The following PABPC1 variants were observed in gnomAD, a reference collection of about 807,000 sequenced individuals.
PABPC1 encodes polyadenylate-binding protein 1.
Under a neutral mutation model 74.0 loss-of-function variants are expected in PABPC1, and 4 were observed. The observed-to-expected ratio is 0.05, with a 90% CI of 0.03 to 0.12. PABPC1 has a LOEUF of 0.12. Ranked by LOEUF, PABPC1 falls within the 10% of genes least tolerant of loss-of-function variation. The pLI, the probability that PABPC1 is intolerant of heterozygous loss-of-function variation, is 1.00. For missense variants in PABPC1, 271 were observed against 821.1 expected, an observed-to-expected ratio of 0.33 and a Z score of 8.19; for synonymous variants, 227 against 264.1, an observed-to-expected ratio of 0.86 and a Z score of 1.36.
rs1587144994 is a variant in PABPC1 at position 100,705,995 on chromosome 8, G to A, written c.1603-322C>T. 2.6e-5 allele frequency among the ~76,000 whole-genome samples: 4 copies of A among 152,238 alleles called. No homozygotes were observed. In the South Asian group the frequency reaches 6.2e-4, roughly 24 times the overall value. On this transcript the variant is annotated intron_variant, in intron 11 of 14. Coordinates refer to ENST00000318607, the MANE Select transcript of PABPC1 (RefSeq NM_002568.4). ...CCCCAGTAGCTGGGATTACAGGCAT[G>A]TGCCACCAAGCCTGGCTAATCTTTA...
chr8:100,708,538 T>C (rs1466966706), intron 9 of PABPC1, among the ~76,000 whole-genome samples: 1 of 152,212 alleles, frequency 6.6e-6, no homozygotes, highest in African/African-American at 2.4e-5. Context: ...CTGATTCTCA[T>C]ACATGATTAA....
Position 100,705,574 on chromosome 8 carries a change from G to C in PABPC1, c.1687+15C>G, listed in dbSNP as rs1207642629. The C allele has an allele frequency of 1.9e-6, 3 of 1,551,104 alleles. No individual in the cohort carries two copies. Among genetic ancestry groups the C allele is most frequent in the Non-Finnish European group, 2.7e-6 (3 of 1,123,054 alleles). On this transcript the variant is annotated intron_variant, in intron 12 of 14. Transcript: ENST00000318607. The stretch of plus-strand genomic sequence containing the variant: ...TAGTCTTTCTGAACTGACAAGGTGG[G>C]ACAGAAGTACTCACCCAACATTTGC...
intron 14 of PABPC1, 184 bp downstream of exon 14, chr8:100,704,113 G>T: frequency 2.2e-6 from 1 of 449,184 alleles, no homozygotes; most frequent in Non-Finnish European, 4.0e-6. Flanking sequence ...AAATCCAACA[G>T]TTAACGGGTA....
At chr8:100,709,088 T>C (rs1381005057) in intron 9 of PABPC1, 45 bp downstream of exon 9, 1 of 1,430,208 alleles carries the variant, frequency 7.0e-7, no homozygotes. Flanking sequence ...CAATGTGTTA[T>C]TTTTAACTCA....
intron 6 of PABPC1, 33 bp downstream of exon 6, chr8:100,712,617 CCT>C: frequency 1.3e-6 from 2 of 1,590,032 alleles, no homozygotes; most frequent in Non-Finnish European, 1.7e-6. Flanking sequence ...TTTCCTCATC[CCT>C]GTCTTATTTT....
At chr8:100,707,164 A>T in intron 9 of PABPC1, 167 bp from the exon 10 acceptor site, 1 of 544,826 alleles carries the variant, frequency 1.8e-6, no homozygotes, top group Non-Finnish European at 3.3e-6. Flanking sequence ...GAGCATCAAT[A>T]AGTAAAAACA....
chr8:100,712,805 A>AAAAC lies in PABPC1; in HGVS notation c.739-17_739-16insGTTT. 6.6e-7 allele frequency: 1 copy of AAAAC among 1,512,984 alleles called. No individual in the cohort carries two copies. Among genetic ancestry groups the AAAAC allele is most frequent in the Non-Finnish European group, 8.7e-7 (1 of 1,147,758 alleles). The allele number at this position is 1,512,984 out of a possible 1,614,324, so 93.7% of individuals were successfully genotyped here. A position where few individuals can be genotyped will look rare whatever the true frequency, so the allele number is the denominator to read the frequency against. ...CATCCACAGCCTTCCCCCCAAAAAA[A>AAAAC]AAGAAAAAAAAAAAATCACAAAACT... is the stretch of plus-strand genomic sequence containing the variant. On this transcript the variant is annotated splice_polypyrimidine_tract_variant and intron_variant, in intron 5 of 14. Transcript: ENST00000318607.
chr8:100,708,390 A>G (rs932295130), intron 9 of PABPC1, among the ~76,000 whole-genome samples: 43 of 151,958 alleles, frequency 2.8e-4, no homozygotes, highest in African/African-American at 1.0e-3. Flanking sequence ...CGGGAGGTGA[A>G]AGCTGCAGTA....
In PABPC1 at chr8:100,715,259, C is replaced by T. The variant is rs1563614621; in HGVS notation, c.643+203G>A. Among the ~76,000 whole-genome samples the T allele has an allele frequency of 2.0e-5, 3 of 152,058 alleles. No individual in the cohort carries two copies. The East Asian group carries it at 5.8e-4, about 29-fold the overall frequency. The stretch of plus-strand genomic sequence containing the variant: ...CTAATCTAATGCTATTAACCTTTAA[C>T]CTGGATAGAATTCTATTTATTTGCA... On this transcript the variant is annotated intron_variant, in intron 4 of 14. Coordinates refer to ENST00000318607, the MANE Select transcript of PABPC1 (RefSeq NM_002568.4).
At position 100,722,056 on chromosome 8, in the gene PABPC1, G is replaced by C. The variant is rs771125400; in HGVS notation, c.-473C>G. The C allele has an allele frequency of 6.5e-6, 1 of 152,748 alleles. No individual in the cohort carries two copies. The highest frequency in any genetic ancestry group is 1.5e-5 in the Non-Finnish European group (1 of 68,234). 9.5% of individuals were successfully genotyped at this position (152,748 alleles called of 1,614,324 possible). Reference sequence around the variant, plus strand: ...GTTCCGAGCCCGGAGCACACACTCCGCACTCTCAGCACTAACCGCCGGGGA... The same window carrying C: ...GTTCCGAGCCCGGAGCACACACTCCCCACTCTCAGCACTAACCGCCGGGGA... On this transcript the variant is annotated 5_prime_UTR_variant, in exon 1 of 15. Coordinates refer to ENST00000318607, the MANE Select transcript of PABPC1 (RefSeq NM_002568.4).
intron 9 of PABPC1, among the ~76,000 whole-genome samples, chr8:100,708,665 C>A (rs1810445302): frequency 6.6e-6 from 1 of 152,042 alleles, no homozygotes; most frequent in Non-Finnish European, 1.5e-5. Context: ...GACCTGAGAT[C>A]AGGAGCTCAA....
intron 3 of PABPC1, among the ~76,000 whole-genome samples, chr8:100,717,260 G>A (rs547872207): frequency 1.3e-5 from 2 of 152,048 alleles, no homozygotes; most frequent in Admixed American, 6.6e-5. Context: ...CGCCCACCTC[G>A]GCCTCCCAAA....
At chr8:100,719,710 G>GT (rs1381000704) in intron 1 of PABPC1, among the ~76,000 whole-genome samples, 1 of 152,096 alleles carries the variant, frequency 6.6e-6, no homozygotes, top group Non-Finnish European at 1.5e-5. Flanking sequence ...TGTAAAAATT[G>GT]TTTTTTGGAT....
chr8:100,714,505 TG>T (rs1810613515), intron 4 of PABPC1, among the ~76,000 whole-genome samples: 3 of 152,098 alleles, frequency 2.0e-5, no homozygotes, highest in South Asian at 4.2e-4. Flanking sequence ...CCGAGGTGGC[TG>T]GATCACTTGA....
chr8:100,712,298 T>C, intron 7 of PABPC1, 64 bp downstream of exon 7: 4 of 897,198 alleles, frequency 4.5e-6, no homozygotes, highest in Admixed American at 2.4e-5. Flanking sequence ...AAAATTTATA[T>C]ACATATATCT....
At chr8:100,710,425 C>G (rs1345435595) in intron 7 of PABPC1, among the ~76,000 whole-genome samples, 2 of 152,054 alleles carry the variant, frequency 1.3e-5, no homozygotes, top group Non-Finnish European at 2.9e-5. Flanking sequence ...AGAAATATAC[C>G]CAAGCAATTA....
In PABPC1 at chr8:100,703,294, GTTT is replaced by G. The variant is rs1328108762; in HGVS notation, c.*64_*66del. On this transcript the variant is annotated 3_prime_UTR_variant, in exon 15 of 15. Coordinates refer to ENST00000318607, the MANE Select transcript of PABPC1 (RefSeq NM_002568.4). ...AATGTTTTTTTTCCATAATATTTAA[GTTT>G]TTCGATGTTTAGATATTTTTCTTCG... 1.1e-4 allele frequency: 18 copies of G among 163,016 alleles called. No homozygotes were observed. Among genetic ancestry groups the G allele is most frequent in the African/African-American group, 4.1e-4 (17 of 41,334 alleles). 10.1% of individuals were successfully genotyped at this position (163,016 alleles called of 1,614,324 possible). A position where few individuals can be genotyped will look rare whatever the true frequency, so the allele number is the denominator to read the frequency against.
rs776490560 is a variant in PABPC1 at position 100,709,242 on chromosome 8, CAT to C, written c.1246-21_1246-20del. ...TCTGAGTCTGCAGGGAAAAAAAGCACATGAGTTTATCAGTTGAAGAAAAAAGC... is the reference window on the plus strand; with the variant it reads ...TCTGAGTCTGCAGGGAAAAAAAGCACGAGTTTATCAGTTGAAGAAAAAAGC... On this transcript the variant is annotated intron_variant, in intron 8 of 14. Transcript: ENST00000318607. 28 of 1,599,238 alleles carry C rather than the reference CAT, an allele frequency of 1.8e-5. No individual in the cohort carries two copies. Among genetic ancestry groups the C allele is most frequent in the Middle Eastern group, 1.7e-4 (1 of 6,000 alleles).
At position 100,721,509 on chromosome 8, in the gene PABPC1, C is replaced by T; in HGVS notation, c.75G>A (p.Ala25=). 6.2e-7 allele frequency: 1 copy of T among 1,611,662 alleles called. No homozygotes were observed. The highest frequency in any genetic ancestry group is 8.5e-7 in the Non-Finnish European group (1 of 1,178,694). The change falls in exon 1 of 15, where the codon GCG becomes GCA. Residue 25 remains alanine, a synonymous_variant. Transcript: ENST00000318607. This position sits in a 1 kb window ranked among gnomAD's most constrained non-coding sequence, Gnocchi z 7.4. ...CCGGGCTGAACTTCTCGTAGAGCAT[C>T]GCCTCGGTCACGTCGGGGTGGAGGT... is the stretch of plus-strand genomic sequence containing the variant. ...VGDLHPDVTE[A]MLYEKFSPAG... is the part of the protein sequence containing the mutation.
Sources: allele counts gnomAD v4.1 joint callset (sites outside exome capture counted in the v4.1 genomes callset), GRCh38; gene constraint gnomAD v4.1.1; non-coding constraint Gnocchi (gnomAD v3.1); transcripts MANE v1.5; gene names NCBI Gene and HGNC (gene_info 2026-07-23, HGNC 2026-07-21).